Variants in PDE4D observed in about 807,000 individuals in gnomAD.
PDE4D encodes the protein phosphodiesterase 4D, also known as 3',5'-cyclic-AMP phosphodiesterase 4D.
A neutral mutation model predicts 87.4 loss-of-function variants in PDE4D; 24 were observed. That is an observed-to-expected ratio of 0.27 (90% CI 0.20 to 0.39). The LOEUF (loss-of-function observed/expected upper bound fraction) is 0.39. PDE4D is among the 10% of genes least tolerant of loss of function. The probability of loss-of-function intolerance (pLI) is 1.00; values close to 1 mark genes in which losing one functional copy is unlikely to be tolerated. For synonymous variants in PDE4D, 384 were observed against 383.2 expected (o/e 1.00, Z -0.02); for missense variants, 714 against 1,041.0 (o/e 0.69, Z 4.32).
intron 1 of PDE4D, among the ~76,000 whole-genome samples, chr5:59,672,526 C>T (rs923543259): frequency 2.6e-5 from 4 of 152,116 alleles, no homozygotes; most frequent in African/African-American, 7.2e-5. Context: ...GCTTGATGCA[C>T]GTATTCTTAA....
intron 1 of PDE4D, among the ~76,000 whole-genome samples, chr5:60,387,629 A>G (rs1461358129): frequency 6.6e-6 from 1 of 152,128 alleles, no homozygotes; most frequent in Non-Finnish European, 1.5e-5. Context: ...GGGTTGTTTT[A>G]TGGACAAAAC....
At chr5:60,350,029 C>T (rs142354127) in intron 1 of PDE4D, among the ~76,000 whole-genome samples, 1 of 152,120 alleles carries the variant, frequency 6.6e-6, no homozygotes, top group East Asian at 1.9e-4. Flanking sequence ...AAGTAGGTTA[C>T]AGAGTCATTC....
chr5:59,656,777 G>C (rs770746345), intron 1 of PDE4D, among the ~76,000 whole-genome samples: 3 of 152,148 alleles, frequency 2.0e-5, no homozygotes, highest in Non-Finnish European at 4.4e-5. Context: ...CTGCAGAGTT[G>C]CAATTGTGAC....
intron 3 of PDE4D, among the ~76,000 whole-genome samples, chr5:59,945,521 T>A (rs1355571160): frequency 6.6e-6 from 1 of 152,226 alleles, no homozygotes; most frequent in Non-Finnish European, 1.5e-5. Context: ...TTTATTTCTA[T>A]ACAGTGACTG....
At chr5:59,356,103 C>T (rs976261625) in intron 1 of PDE4D, among the ~76,000 whole-genome samples, 2 of 152,116 alleles carry the variant, frequency 1.3e-5, no homozygotes, top group African/African-American at 4.8e-5. Flanking sequence ...TCTTTATTAA[C>T]ACCTAGAATA....
intron 5 of PDE4D, among the ~76,000 whole-genome samples, chr5:59,056,705 T>C (rs970772802): frequency 1.3e-5 from 2 of 152,148 alleles, no homozygotes; most frequent in Non-Finnish European, 2.9e-5. Context: ...CAGTGTTTCG[T>C]TTTCTGTTCC....
chr5:60,085,079 A>T (rs1430525197), intron 2 of PDE4D, among the ~76,000 whole-genome samples: 2 of 152,196 alleles, frequency 1.3e-5, no homozygotes, highest in Admixed American at 1.3e-4. Context: ...AGAACTCTAG[A>T]TACTTTCTTT....
At chr5:59,556,486 G>A (rs1207861809) in intron 1 of PDE4D, among the ~76,000 whole-genome samples, 1 of 152,166 alleles carries the variant, frequency 6.6e-6, no homozygotes. Flanking sequence ...CTGCTTTGCT[G>A]TGAAGCAGTG....
At chr5:60,445,975 T>C (rs1258400393) in intron 1 of PDE4D, among the ~76,000 whole-genome samples, 1 of 152,072 alleles carries the variant, frequency 6.6e-6, no homozygotes, top group Non-Finnish European at 1.5e-5. Flanking sequence ...GTCAGTAAAA[T>C]TAATTGGAAA....
chr5:60,186,664 T>G (rs1466332041), intron 1 of PDE4D, among the ~76,000 whole-genome samples: 1 of 152,140 alleles, frequency 6.6e-6, no homozygotes, highest in Non-Finnish European at 1.5e-5. Context: ...CAGCATGTAG[T>G]TCTATCATTT....
intron 2 of PDE4D, among the ~76,000 whole-genome samples, chr5:60,003,705 T>C (rs995964161): frequency 1.4e-4 from 16 of 115,010 alleles, no homozygotes; most frequent in Non-Finnish European, 1.9e-4. Flanking sequence ...CGAGACTCCA[T>C]CTAAAAAAAA....
intron 1 of PDE4D, among the ~76,000 whole-genome samples, chr5:59,627,743 A>C (rs1031360102): frequency 5.9e-5 from 9 of 152,194 alleles, no homozygotes; most frequent in Non-Finnish European, 1.3e-4. Context: ...TACTGCCAAC[A>C]ATGAGAGATG....
At chr5:59,513,984 T>G (rs1020138225) in intron 1 of PDE4D, among the ~76,000 whole-genome samples, 2 of 152,230 alleles carry the variant, frequency 1.3e-5, no homozygotes, top group African/African-American at 4.8e-5. Context: ...TACCTATTAG[T>G]GAATTATGCT....
chr5:59,244,067 T>C (rs1758257103), intron 1 of PDE4D, among the ~76,000 whole-genome samples: 2 of 152,136 alleles, frequency 1.3e-5, no homozygotes, highest in African/African-American at 4.8e-5. Context: ...CAGATTTTTC[T>C]AGAATCCTAA....
chr5:59,635,233 G>C (rs930833157), intron 1 of PDE4D, among the ~76,000 whole-genome samples: 2 of 152,156 alleles, frequency 1.3e-5, no homozygotes, highest in Non-Finnish European at 2.9e-5. Context: ...TTCTGAAATT[G>C]AGGCAGTAAT....
chr5:60,102,164 A>G (rs1005538265), intron 2 of PDE4D, among the ~76,000 whole-genome samples: 1 of 152,226 alleles, frequency 6.6e-6, no homozygotes, highest in Non-Finnish European at 1.5e-5. Context: ...ATGGCCATTA[A>G]TTTGCAAGTG....
At chr5:59,948,237 T>G (rs1404297010) in intron 3 of PDE4D, among the ~76,000 whole-genome samples, 3 of 152,192 alleles carry the variant, frequency 2.0e-5, no homozygotes, top group African/African-American at 7.2e-5. Context: ...TATGGATACT[T>G]GTTATATTCT....
intron 4 of PDE4D, among the ~76,000 whole-genome samples, chr5:59,182,902 C>A (rs1469907790): frequency 1.3e-5 from 2 of 152,208 alleles, no homozygotes; most frequent in African/African-American, 4.8e-5. Flanking sequence ...TCTGAATACC[C>A]ACCCAGGGGC....
rs187573674 is a variant in PDE4D, at chr5:59,601,704, C to T, written c.455+291464G>A. ...ACTTTAACCTTCTTATCATTAGTCTCACTCCCTCTCCTTTCGTGCTCAACC... is the reference window on the plus strand; with the variant it reads ...ACTTTAACCTTCTTATCATTAGTCTTACTCCCTCTCCTTTCGTGCTCAACC... On this transcript the variant is annotated intron_variant, in intron 1 of 14. Coordinates refer to ENST00000340635, the MANE Select transcript of PDE4D (RefSeq NM_001104631.2). Among the ~76,000 whole-genome samples, 3 of 152,166 alleles carry T rather than the reference C, an allele frequency of 2.0e-5. No homozygotes were observed. The East Asian group carries it at 5.8e-4, about 29-fold the overall frequency.
Sources: allele counts gnomAD v4.1 joint callset (sites outside exome capture counted in the v4.1 genomes callset), GRCh38; gene constraint gnomAD v4.1.1; transcripts MANE v1.5; gene names NCBI Gene and HGNC (gene_info 2026-07-23, HGNC 2026-07-21).